The following BRDT variants were observed in gnomAD, a reference collection of about 807,000 sequenced individuals.
BRDT encodes bromodomain testis-specific protein.
In BRDT, 77 loss-of-function variants were observed where a neutral mutation model predicts 113.9. The observed-to-expected ratio is 0.68, with a 90% confidence interval of 0.56 to 0.82. The LOEUF is 0.82. Among genes scored for constraint, BRDT ranks in the 40% least tolerant of loss-of-function variants. The pLI is 0.00. For missense variants in BRDT, 1,027 were observed against 1,105.4 expected, an observed-to-expected ratio of 0.93 and a Z score of 1.01; for synonymous variants, 358 against 366.5, an observed-to-expected ratio of 0.98 and a Z score of 0.26.
chr1:91,981,604 T>C lies in BRDT; in HGVS notation c.1865-14T>C. ...AATTCTTCTGGCATTTTAATATGTT[T>C]CTCTGTTTTGTAGCTGATAAAACGC... On this transcript the variant is annotated splice_polypyrimidine_tract_variant and intron_variant, in intron 11 of 18. Transcript: ENST00000399546. The C allele has an allele frequency of 6.2e-7, 1 of 1,609,242 alleles. No individual in the cohort carries two copies. Among genetic ancestry groups the C allele is most frequent in the Non-Finnish European group, 8.5e-7 (1 of 1,178,186 alleles).
intron 12 of BRDT, among the ~76,000 whole-genome samples, chr1:91,988,208 T>C (rs1194648057): frequency 6.6e-6 from 1 of 151,804 alleles, no homozygotes; most frequent in African/African-American, 2.4e-5. Flanking sequence ...TTATATTGAG[T>C]TTTTGGGGGA....
chr1:92,011,098 A>C (rs1687760305), intron 18 of BRDT, among the ~76,000 whole-genome samples: 1 of 152,160 alleles, frequency 6.6e-6, no homozygotes, highest in Non-Finnish European at 1.5e-5. Flanking sequence ...GGCTTTAGCT[A>C]TAGTATTGGT....
At chr1:92,013,815 A>G (rs1688005008) in intron 18 of BRDT, among the ~76,000 whole-genome samples, 1 of 152,224 alleles carries the variant, frequency 6.6e-6, no homozygotes, top group Non-Finnish European at 1.5e-5. Flanking sequence ...ATATTGGTTC[A>G]TTCAGAAAGT....
chr1:91,996,118 A>G (rs1273694310), intron 15 of BRDT, among the ~76,000 whole-genome samples: 1 of 152,218 alleles, frequency 6.6e-6, no homozygotes, highest in Non-Finnish European at 1.5e-5. Context: ...TATGATAGCT[A>G]TAGGTCATGA....
intron 18 of BRDT, among the ~76,000 whole-genome samples, chr1:92,007,896 T>TATTTATTC (rs774075037): frequency 2.0e-5 from 3 of 150,662 alleles, no homozygotes; most frequent in East Asian, 3.9e-4. Context: ...TTTATTTATT[T>TATTTATTC]ATTCATTCAT....
intron 16 of BRDT, among the ~76,000 whole-genome samples, chr1:92,002,420 G>A (rs1019516931): frequency 2.0e-5 from 3 of 151,968 alleles, no homozygotes; most frequent in Admixed American, 6.6e-5. Context: ...CTGGAGTGCC[G>A]TGGCACGATC....
At chr1:91,971,208 G>A (rs1166888103) in intron 4 of BRDT, among the ~76,000 whole-genome samples, 2 of 151,986 alleles carry the variant, frequency 1.3e-5, no homozygotes, top group Non-Finnish European at 2.9e-5. Context: ...AGATTCATGA[G>A]GGATCCACCC....
At chr1:91,993,733 T>G (rs1686013455) in intron 14 of BRDT, among the ~76,000 whole-genome samples, 1 of 152,184 alleles carries the variant, frequency 6.6e-6, no homozygotes, top group African/African-American at 2.4e-5. Context: ...GTTTGTTTTG[T>G]TTTGTTTTTT....
At chr1:91,959,883 AC>A (rs558317614) in intron 1 of BRDT, among the ~76,000 whole-genome samples, 212 of 152,248 alleles carry the variant, frequency 1.4e-3, no homozygotes, top group African/African-American at 4.5e-3. Flanking sequence ...ATGTAGTAGT[AC>A]TCAATCTTGG....
chr1:91,979,901 A>C, intron 8 of BRDT, 144 bp downstream of exon 8: 1 of 632,534 alleles, frequency 1.6e-6, no homozygotes, highest in East Asian at 3.0e-5. Flanking sequence ...TGTAATGTTT[A>C]ATAGTTTTTC....
At chr1:91,955,932 T>C (rs182847335) in intron 1 of BRDT, among the ~76,000 whole-genome samples, 3 of 152,318 alleles carry the variant, frequency 2.0e-5, no homozygotes, top group Admixed American at 2.0e-4. Context: ...TCAATTACAG[T>C]GTATTTAAGG....
At chr1:92,003,752 C>G (rs1429308948) in intron 16 of BRDT, among the ~76,000 whole-genome samples, 1 of 152,008 alleles carries the variant, frequency 6.6e-6, no homozygotes, top group Non-Finnish European at 1.5e-5. Flanking sequence ...TGAAAAAATA[C>G]TTTATGTCTT....
intron 2 of BRDT, 95 bp from the exon 3 acceptor site, chr1:91,964,532 T>C (rs1406365973): frequency 2.7e-6 from 2 of 744,222 alleles, no homozygotes; most frequent in Non-Finnish European, 3.9e-6. Context: ...TTGCTCTCTC[T>C]AGTTGCAGGT....
At chr1:92,002,392 C>A in intron 16 of BRDT, among the ~76,000 whole-genome samples, 1 of 152,000 alleles carries the variant, frequency 6.6e-6, no homozygotes, top group East Asian at 1.9e-4. Context: ...GAGATGGAGT[C>A]TCACTCTGTC....
chr1:91,974,140 T>C (rs1168629513), intron 4 of BRDT, among the ~76,000 whole-genome samples: 6 of 152,162 alleles, frequency 3.9e-5, no homozygotes, highest in African/African-American at 1.4e-4. Context: ...TAATTCAAGA[T>C]GGATTAAAGA....
intron 2 of BRDT, 45 bp from the exon 3 acceptor site, chr1:91,964,582 G>A (rs774309209): frequency 8.4e-6 from 10 of 1,189,978 alleles, no homozygotes; most frequent in Admixed American, 2.5e-5. Context: ...AATAGTTGTA[G>A]TGTATTCATT....
chr1:91,992,508 G>C (rs1231704244), intron 14 of BRDT, among the ~76,000 whole-genome samples, 194 bp downstream of exon 14: 1 of 151,704 alleles, frequency 6.6e-6, no homozygotes, highest in African/African-American at 2.4e-5. Flanking sequence ...CAGGGCTTTG[G>C]ACACGTAAGT....
chr1:92,007,642 T>C lies in BRDT; in HGVS notation c.2775+2343T>C, dbSNP rs80119288. 3.8e-3 allele frequency among the ~76,000 whole-genome samples: 584 copies of C among 152,318 alleles called. 29 individuals carry two copies. The East Asian group carries it at 0.068, about 18-fold the overall frequency. On this transcript the variant is annotated intron_variant, in intron 18 of 18. Transcript: ENST00000399546. ...TGACATAGTCAGTAACTCTTTGTTT[T>C]CCTATTTTAGTGGTTGCTTACGGTT...
chr1:91,996,698 A>C (rs530529338), intron 15 of BRDT, among the ~76,000 whole-genome samples: 4 of 152,256 alleles, frequency 2.6e-5, no homozygotes, highest in Admixed American at 6.5e-5. Context: ...CAACTGTAGA[A>C]AGCATGTGGA....
Sources: allele counts gnomAD v4.1 joint callset (sites outside exome capture counted in the v4.1 genomes callset), GRCh38; gene constraint gnomAD v4.1.1; transcripts MANE v1.5; gene names NCBI Gene and HGNC (gene_info 2026-07-23, HGNC 2026-07-21).